TMEM87A: variants seen among roughly 807,000 people sequenced by gnomAD.
TMEM87A encodes transmembrane protein 87A.
TMEM87A carries 50 observed loss-of-function variants against 90.0 expected under a neutral mutation model. The ratio of observed to expected loss-of-function variants is 0.56; its 90% CI spans 0.44 to 0.70. The LOEUF is 0.70. TMEM87A is among the 30% of genes least tolerant of loss of function. The pLI is 0.00. For missense variants in TMEM87A, 577 were observed against 660.5 expected, an observed-to-expected ratio of 0.87 and a Z score of 1.39; for synonymous variants, 226 against 226.7, an observed-to-expected ratio of 1.00 and a Z score of 0.03.
rs1245570051 is a variant in TMEM87A at position 42,273,238 on chromosome 15, G to C, written c.144+17C>G. 16 of 1,613,090 alleles carry C rather than the reference G, an allele frequency of 9.9e-6. No homozygotes were observed. The highest frequency in any genetic ancestry group is 1.7e-5 in the Admixed American group (1 of 60,000). ...CTTGCTCCTCTAGGTTCAGACGTTA[G>C]TGAAGTGAATACTCACCGACGGTAT... is the stretch of plus-strand genomic sequence containing the variant. On this transcript the variant is annotated intron_variant, in intron 1 of 19. Coordinates refer to ENST00000389834, the MANE Select transcript of TMEM87A (RefSeq NM_015497.5).
At chr15:42,260,209 C>A (rs2051261806) in intron 6 of TMEM87A, among the ~76,000 whole-genome samples, 1 of 152,046 alleles carries the variant, frequency 6.6e-6, no homozygotes, top group Admixed American at 6.6e-5. Flanking sequence ...CCAACCCCCA[C>A]AAAAAATTTT....
At chr15:42,261,567 T>C (rs1427899566) in intron 4 of TMEM87A, among the ~76,000 whole-genome samples, 4 of 152,114 alleles carry the variant, frequency 2.6e-5, no homozygotes, top group Admixed American at 2.6e-4. Context: ...CCCCTCATTC[T>C]ACAGATGAGT....
chr15:42,213,866 A>G (rs1350683171), intron 19 of TMEM87A, among the ~76,000 whole-genome samples: 1 of 152,192 alleles, frequency 6.6e-6, no homozygotes, highest in African/African-American at 2.4e-5. Flanking sequence ...GGCCCAAACA[A>G]AGGAAGAAGA....
At chr15:42,220,744 T>A (rs1377671300) in intron 15 of TMEM87A, among the ~76,000 whole-genome samples, 1 of 152,206 alleles carries the variant, frequency 6.6e-6, no homozygotes, top group African/African-American at 2.4e-5. Flanking sequence ...CTCCCAGACA[T>A]GTAATTCCTA....
chr15:42,219,998 T>TA (rs1199352068), intron 16 of TMEM87A, 64 bp downstream of exon 16: 3 of 1,397,304 alleles, frequency 2.1e-6, no homozygotes, highest in African/African-American at 2.9e-5. Context: ...TATAAAATAA[T>TA]AAACAATGTA....
intron 4 of TMEM87A, among the ~76,000 whole-genome samples, chr15:42,263,629 C>T (rs985969473): frequency 3.3e-5 from 5 of 152,050 alleles, no homozygotes; most frequent in African/African-American, 1.2e-4. Flanking sequence ...GAATCTGTAG[C>T]CCTAGCCACT....
chr15:42,267,844 C>T (rs1194603200), intron 3 of TMEM87A, 103 bp downstream of exon 3: 4 of 856,352 alleles, frequency 4.7e-6, no homozygotes, highest in Non-Finnish European at 7.0e-6. Context: ...TTTCAGCTCT[C>T]CTCCTCCATA....
chr15:42,268,673 C>CATAAATAA lies in TMEM87A; in HGVS notation c.206-649_206-642dup, dbSNP rs145708642. Among the ~76,000 whole-genome samples, 759 of 151,272 alleles carry CATAAATAA rather than the reference C, an allele frequency of 5.0e-3. 7 individuals carry two copies. Among genetic ancestry groups the CATAAATAA allele is most frequent in the African/African-American group, 0.016 (663 of 40,958 alleles). On this transcript the variant is annotated intron_variant, in intron 2 of 19. Coordinates refer to ENST00000389834, the MANE Select transcript of TMEM87A (RefSeq NM_015497.5). ...CAGAGCGAGACCCTGTCTCAAAAAA[C>CATAAATAA]ATAAATAAATAAATAAATAAATAAA...
At chr15:42,247,176 A>G (rs893634800) in intron 6 of TMEM87A, among the ~76,000 whole-genome samples, 47 of 152,300 alleles carry the variant, frequency 3.1e-4, no homozygotes, top group Admixed American at 2.2e-3. Context: ...AGTTCTTCGT[A>G]GATTCTGGAT....
chr15:42,215,216 T>C (rs1179868487), intron 19 of TMEM87A, among the ~76,000 whole-genome samples: 3 of 152,208 alleles, frequency 2.0e-5, no homozygotes, highest in South Asian at 2.1e-4. Flanking sequence ...AAATTCAGTA[T>C]TGGCCAGGTG....
chr15:42,226,517 G>A (rs1169528103), intron 15 of TMEM87A: 1 of 357,754 alleles, frequency 2.8e-6, no homozygotes, highest in Admixed American at 4.3e-5. Context: ...TCCATAGTAT[G>A]CCTGTGTATT....
At chr15:42,273,223 T>G in intron 1 of TMEM87A, 32 bp downstream of exon 1, 1 of 1,612,782 alleles carries the variant, frequency 6.2e-7, no homozygotes, top group Non-Finnish European at 8.5e-7. Context: ...CTTGCTCCTC[T>G]AGGTTCAGAC....
intron 2 of TMEM87A, 36 bp from the exon 3 acceptor site, chr15:42,268,068 T>C: frequency 6.4e-7 from 1 of 1,570,108 alleles, no homozygotes; most frequent in Non-Finnish European, 8.8e-7. Context: ...CAAAAGATAA[T>C]TCCCCAACAA....
At chr15:42,216,695 G>A (rs2050388815) in intron 19 of TMEM87A, among the ~76,000 whole-genome samples, 1 of 152,178 alleles carries the variant, frequency 6.6e-6, no homozygotes, top group Admixed American at 6.5e-5. Context: ...CTGAATGGTA[G>A]AGTTCTCAAT....
intron 2 of TMEM87A, among the ~76,000 whole-genome samples, chr15:42,270,109 C>T (rs1263130527): frequency 3.3e-5 from 5 of 152,280 alleles, no homozygotes; most frequent in African/African-American, 1.2e-4. Context: ...GTGGCTCACA[C>T]CTGTAATCCC....
chr15:42,225,999 T>C (rs2050584606), intron 15 of TMEM87A, among the ~76,000 whole-genome samples: 1 of 152,168 alleles, frequency 6.6e-6, no homozygotes, highest in Non-Finnish European at 1.5e-5. Flanking sequence ...GTGCTCACTT[T>C]GTGTGTCAGC....
chr15:42,258,847 G>T, intron 6 of TMEM87A: 1 of 1,497,656 alleles, frequency 6.7e-7, no homozygotes. Context: ...CAGAATGGCA[G>T]AATAAGAAAC....
intron 7 of TMEM87A, among the ~76,000 whole-genome samples, chr15:42,243,484 A>AGACATTAAAAACTACC (rs989046288): frequency 6.6e-6 from 1 of 150,782 alleles, no homozygotes; most frequent in Non-Finnish European, 1.5e-5. Context: ...TAAATTCTTG[A>AGACATTAAAAACTACC]GACATTAAAA....
intron 4 of TMEM87A, 77 bp from the exon 5 acceptor site, chr15:42,261,326 A>G: frequency 7.7e-7 from 1 of 1,304,528 alleles, no homozygotes; most frequent in Non-Finnish European, 1.1e-6. Context: ...ATACAAAGAA[A>G]TGGTTAGAAC....
Sources: allele counts gnomAD v4.1 joint callset (sites outside exome capture counted in the v4.1 genomes callset), GRCh38; gene constraint gnomAD v4.1.1; transcripts MANE v1.5; gene names NCBI Gene and HGNC (gene_info 2026-07-23, HGNC 2026-07-21).